Variants in NELL2 observed in about 807,000 individuals in gnomAD.
The protein encoded by NELL2 is neural EGFL like 2.
In NELL2, 41 loss-of-function variants were observed where a neutral mutation model predicts 109.6. That is an observed-to-expected ratio of 0.37 (90% CI 0.29 to 0.49). The LOEUF is 0.49. NELL2 is among the 20% of genes least tolerant of loss of function. The pLI is 0.98. For missense variants in NELL2, 900 were observed against 1,008.3 expected (o/e 0.89, Z 1.45); for synonymous variants, 355 against 344.7 (o/e 1.03, Z -0.33).
intron 14 of NELL2, among the ~76,000 whole-genome samples, chr12:44,608,155 C>T (rs1945473015): frequency 6.6e-6 from 1 of 152,014 alleles, no homozygotes; most frequent in African/African-American, 2.4e-5. Flanking sequence ...GCTTCCTCAG[C>T]CTGACAAAGT....
intron 12 of NELL2, among the ~76,000 whole-genome samples, chr12:44,682,840 A>C (rs1303234331): frequency 6.6e-6 from 1 of 152,212 alleles, no homozygotes; most frequent in Admixed American, 6.5e-5. Context: ...TATAGTTGGA[A>C]GTCAGGTAGT....
intron 12 of NELL2, among the ~76,000 whole-genome samples, chr12:44,681,223 G>C (rs1276709327): frequency 6.8e-6 from 1 of 147,152 alleles, no homozygotes. Flanking sequence ...CTTATATTTT[G>C]TCTACTTTAT....
intron 3 of NELL2, among the ~76,000 whole-genome samples, chr12:44,796,589 A>T (rs1942628463): frequency 1.3e-5 from 2 of 152,166 alleles, no homozygotes; most frequent in African/African-American, 4.8e-5. Flanking sequence ...TAGCTTAAAG[A>T]CCCTCAGTAA....
Position 44,875,984 on chromosome 12 carries a change from T to C in NELL2, c.-115A>G, listed in dbSNP as rs1216124032. 4 of 1,565,586 alleles carry C rather than the reference T, an allele frequency of 2.6e-6. No individual in the cohort carries two copies. In the African/African-American group the frequency reaches 4.1e-5, roughly 16 times the overall value. The stretch of plus-strand genomic sequence containing the variant: ...TTGTCTCTCCTGCTGCTGCCTCGGA[T>C]TTACTGATCAGTAGGATTAATACGC... On this transcript the variant is annotated 5_prime_UTR_variant, in exon 1 of 20. Transcript: ENST00000429094.
chr12:44,633,454 TGACA>T (rs1374072357), intron 13 of NELL2, among the ~76,000 whole-genome samples: 1 of 152,062 alleles, frequency 6.6e-6, no homozygotes, highest in Non-Finnish European at 1.5e-5. Flanking sequence ...TGCAGCAGTG[TGACA>T]GAGAAAGAAA....
At chr12:44,831,313 C>T (rs1943880815) in intron 2 of NELL2, among the ~76,000 whole-genome samples, 1 of 152,080 alleles carries the variant, frequency 6.6e-6, no homozygotes, top group Admixed American at 6.5e-5. Context: ...AGATTACTCC[C>T]TAAGTGACCA....
intron 12 of NELL2, among the ~76,000 whole-genome samples, chr12:44,687,832 T>C (rs1948775939): frequency 6.6e-6 from 1 of 152,236 alleles, no homozygotes; most frequent in South Asian, 2.1e-4. Context: ...GTTAATCATG[T>C]GGTGTCTTAT....
intron 12 of NELL2, among the ~76,000 whole-genome samples, chr12:44,669,100 G>T (rs573970419): frequency 6.6e-6 from 1 of 152,140 alleles, no homozygotes; most frequent in Non-Finnish European, 1.5e-5. Flanking sequence ...AACAATCACA[G>T]CTTAAGTCAC....
chr12:44,716,141 A>C (rs1431530919), intron 9 of NELL2, among the ~76,000 whole-genome samples: 2 of 152,082 alleles, frequency 1.3e-5, no homozygotes, highest in African/African-American at 2.4e-5. Flanking sequence ...ACAAATATTC[A>C]TTCCCAAAGT....
At chr12:44,918,289 C>A (rs1402875371), upstream of NELL2, among the ~76,000 whole-genome samples, 1 of 152,114 alleles carries the variant, frequency 6.6e-6, no homozygotes, top group African/African-American at 2.4e-5. Flanking sequence ...AAAAAAGACT[C>A]CCTTGTTATC....
At position 44,527,724 on chromosome 12, in the gene NELL2, C is replaced by T. The variant is rs150187514; in HGVS notation, c.1805-4240G>A. On this transcript the variant is annotated intron_variant, in intron 16 of 19. Coordinates refer to ENST00000429094, the MANE Select transcript of NELL2 (RefSeq NM_001145108.2). ...TTACAATTCTACACATCACGGAAATCGCAGTAAATGGAGAGTTGTTTAGAA... is the reference window on the plus strand; with the variant it reads ...TTACAATTCTACACATCACGGAAATTGCAGTAAATGGAGAGTTGTTTAGAA... Among the ~76,000 whole-genome samples, 577 of 152,186 alleles carry T rather than the reference C, an allele frequency of 3.8e-3. 4 individuals are homozygous for T. The highest frequency in any genetic ancestry group is 0.013 in the African/African-American group (550 of 41,510).
At chr12:44,699,571 T>C (rs1295604973) in intron 12 of NELL2, among the ~76,000 whole-genome samples, 2 of 152,124 alleles carry the variant, frequency 1.3e-5, no homozygotes, top group Admixed American at 1.3e-4. Flanking sequence ...CATCCCTTTG[T>C]AGGCAAACAC....
At chr12:44,611,601 A>G (rs1566016980) in intron 13 of NELL2, among the ~76,000 whole-genome samples, 1 of 152,094 alleles carries the variant, frequency 6.6e-6, no homozygotes, top group Non-Finnish European at 1.5e-5. Context: ...TGTAATCAAT[A>G]TAGTATCTGC....
intron 15 of NELL2, among the ~76,000 whole-genome samples, chr12:44,587,307 A>ATTTTTT (rs67322195): frequency 3.1e-5 from 3 of 96,642 alleles, no homozygotes; most frequent in African/African-American, 1.3e-4. Flanking sequence ...ATATATATAT[A>ATTTTTT]TTTTTTTTTA....
rs557042331 is a variant in NELL2, at chr12:44,629,420, T to C, written c.1445-18450A>G. On this transcript the variant is annotated intron_variant, in intron 13 of 19. Transcript: ENST00000429094. ...ATATGAAGACTCAGGTAAAGAAACA[T>C]TGTGTTTAGGAGTAGGATGCAGAAT... is the stretch of plus-strand genomic sequence containing the variant. Among the ~76,000 whole-genome samples the C allele has an allele frequency of 5.5e-4, 84 of 152,276 alleles. 1 individual carries two copies. The South Asian group carries it at 0.015, about 27-fold the overall frequency.
At chr12:44,730,308 A>G (rs1399331894) in intron 9 of NELL2, among the ~76,000 whole-genome samples, 1 of 152,212 alleles carries the variant, frequency 6.6e-6, no homozygotes, top group Admixed American at 6.5e-5. Context: ...ACATATATAG[A>G]ACATTCCATA....
At chr12:44,550,203 A>T (rs911359341) in intron 15 of NELL2, among the ~76,000 whole-genome samples, 1 of 152,172 alleles carries the variant, frequency 6.6e-6, no homozygotes, top group Non-Finnish European at 1.5e-5. Context: ...AAAGAATGAA[A>T]CTGGGCCCTT....
intron 2 of NELL2, among the ~76,000 whole-genome samples, chr12:44,869,423 T>C (rs1945100732): frequency 6.6e-6 from 1 of 152,188 alleles, no homozygotes; most frequent in South Asian, 2.1e-4. Context: ...TAGAAAGATG[T>C]TGACAGCCAA....
At chr12:44,800,219 C>T (rs1942783169) in intron 3 of NELL2, among the ~76,000 whole-genome samples, 1 of 152,026 alleles carries the variant, frequency 6.6e-6, no homozygotes, top group East Asian at 1.9e-4. Flanking sequence ...AAGTCAATCT[C>T]TTAATTTTGT....
Sources: gnomAD v4.1 joint callset for allele counts (sites outside exome capture counted in the v4.1 genomes callset) on GRCh38, gnomAD v4.1.1 for gene constraint, MANE v1.5 for transcripts, NCBI Gene and HGNC (gene_info 2026-07-23, HGNC 2026-07-21) for gene names.